Variants in FUT6 observed in about 807,000 individuals in gnomAD.
The protein encoded by FUT6 is fucosyltransferase 6, also known as 4-galactosyl-N-acetylglucosaminide 3-alpha-L-fucosyltransferase FUT6.
For missense variants in FUT6, 454 were observed against 494.6 expected (o/e 0.92, Z 0.78); for synonymous variants, 187 against 209.9 (o/e 0.89, Z 0.94).
In FUT6 at chr19:5,830,559, G is replaced by T. The variant is rs2057074642; in HGVS notation, c.*929C>A. On this transcript the variant is annotated 3_prime_UTR_variant, in exon 3 of 3. Transcript: ENST00000318336. ...GCGATTCTTGTGTCTCAGCCACCTG[G>T]GTAGCTGGGATTACAGGCACCGGCC... 1 of 150,178 alleles carries T rather than the reference G, an allele frequency of 6.7e-6. No homozygotes were observed. Among genetic ancestry groups the T allele is most frequent in the South Asian group, 2.1e-4 (1 of 4,768 alleles). 9.3% of individuals were successfully genotyped at this position (150,178 alleles called of 1,614,324 possible). A position where few individuals can be genotyped will look rare whatever the true frequency, so the allele number is the denominator to read the frequency against.
intron 1 of FUT6, chr19:5,838,000 T>G (rs538611794): frequency 1.3e-5 from 2 of 152,178 alleles, no homozygotes; most frequent in East Asian, 3.9e-4. Context: ...GTCGGGCTCT[T>G]GGGCTGCCAG....
chr19:5,837,103 T>A (rs1209391617), intron 1 of FUT6, among the ~76,000 whole-genome samples: 1 of 152,054 alleles, frequency 6.6e-6, no homozygotes, highest in Non-Finnish European at 1.5e-5. Flanking sequence ...AGTGGCGTGA[T>A]CTTGGCTCAC....
chr19:5,835,833 T>C (rs975198272), intron 1 of FUT6, among the ~76,000 whole-genome samples: 16 of 152,158 alleles, frequency 1.1e-4, no homozygotes, highest in African/African-American at 3.6e-4. Flanking sequence ...AGCATCAAAA[T>C]TGGTGGCCAA....
At position 5,832,766 on chromosome 19, in the gene FUT6, C is replaced by T; in HGVS notation, c.-12-187G>A. The T allele has an allele frequency of 1.6e-6, 1 of 606,590 alleles. No homozygotes were observed. The highest frequency in any genetic ancestry group is 2.9e-5 in the Admixed American group (1 of 34,552). 37.6% of individuals were successfully genotyped at this position (606,590 alleles called of 1,614,324 possible). On this transcript the variant is annotated intron_variant, in intron 2 of 2. Transcript: ENST00000318336. This position sits in a 1 kb window ranked among gnomAD's most constrained non-coding sequence, Gnocchi z 4.3. Reference sequence around the variant, plus strand: ...GAACAAAGGGAGCTTGGCCCAGAGTCCACTTCCTCCCACCCATTAGACAAC... The same window carrying T: ...GAACAAAGGGAGCTTGGCCCAGAGTTCACTTCCTCCCACCCATTAGACAAC...
Position 5,832,607 on chromosome 19 carries a change from G to T in FUT6, c.-12-28C>A. 6.6e-7 allele frequency: 1 copy of T among 1,515,254 alleles called. No homozygotes were observed. Among genetic ancestry groups the T allele is most frequent in the South Asian group, 1.1e-5 (1 of 89,138 alleles). 93.9% of individuals were successfully genotyped at this position (1,515,254 alleles called of 1,614,324 possible). On this transcript the variant is annotated intron_variant, in intron 2 of 2. Coordinates refer to ENST00000318336, the MANE Select transcript of FUT6 (RefSeq NM_000150.4). The surrounding 1 kb of genome is among the most constrained non-coding windows in gnomAD (Gnocchi z 4.3). ...GGGAAGTGGGGAGAGAGGAGTGAGGGTCATTGATGACAATCTCCTGCTTAC... is the reference window on the plus strand; with the variant it reads ...GGGAAGTGGGGAGAGAGGAGTGAGGTTCATTGATGACAATCTCCTGCTTAC...
At chr19:5,837,585 T>C (rs1055018275) in intron 1 of FUT6, among the ~76,000 whole-genome samples, 2 of 151,462 alleles carry the variant, frequency 1.3e-5, no homozygotes, top group East Asian at 3.9e-4. Flanking sequence ...ACCAACATGG[T>C]GAAACCCCGT....
intron 1 of FUT6, among the ~76,000 whole-genome samples, chr19:5,836,216 C>CTTTTCTTTTGTTTTG (rs1555738049): frequency 6.6e-6 from 1 of 150,624 alleles, no homozygotes; most frequent in Non-Finnish European, 1.5e-5. Context: ...ATTTTCTTTT[C>CTTTTCTTTTGTTTTG]TTTTCTTTTC....
In FUT6 at chr19:5,832,381, G is replaced by A. The variant is rs1264274146; in HGVS notation, c.187C>T (p.Leu63=). The A allele has an allele frequency of 1.2e-6, 2 of 1,614,150 alleles. No individual in the cohort carries two copies. Among genetic ancestry groups the A allele is most frequent in the South Asian group, 2.2e-5 (2 of 91,090 alleles). ...STGTPAHSIP[L]ILLWTWPFNK... is the part of the protein sequence containing the mutation. The stretch of plus-strand genomic sequence containing the variant: ...AAAGGCCACGTCCACAGCAGGATCA[G>A]GGGGATGGAGTGGGCGGGGGTCCCT... Residue 63 remains leucine (L), a synonymous_variant, in exon 3 of 3, where the codon CTG becomes TTG. Transcript: ENST00000318336. This position sits in a 1 kb window ranked among gnomAD's most constrained non-coding sequence, Gnocchi z 4.3.
At chr19:5,835,594 G>A (rs781708275) in intron 1 of FUT6, among the ~76,000 whole-genome samples, 20 of 152,098 alleles carry the variant, frequency 1.3e-4, no homozygotes, top group Admixed American at 2.6e-4. Flanking sequence ...GACCAGCCTG[G>A]CCAACATGTC....
At position 5,839,517 on chromosome 19, in the gene FUT6, G is replaced by A. The variant is rs1034143619; in HGVS notation, c.-981C>T. Reference sequence around the variant, plus strand: ...AGGCTTCAAGCAGAGGGGTTACCATGTCGATACATGTTTTCAGATGCTCTC... The same window carrying A: ...AGGCTTCAAGCAGAGGGGTTACCATATCGATACATGTTTTCAGATGCTCTC... On this transcript the variant is annotated 5_prime_UTR_variant, in exon 1 of 3. Coordinates refer to ENST00000318336, the MANE Select transcript of FUT6 (RefSeq NM_000150.4). The A allele has an allele frequency of 1.3e-5, 2 of 152,198 alleles. No homozygotes were observed. The highest frequency in any genetic ancestry group is 2.9e-5 in the Non-Finnish European group (2 of 68,068). The allele number at this position is 152,198 out of a possible 1,614,324, so 9.4% of individuals were successfully genotyped here.
intron 2 of FUT6, among the ~76,000 whole-genome samples, chr19:5,833,357 C>T (rs376289834): frequency 4.0e-5 from 6 of 150,952 alleles, no homozygotes; most frequent in African/African-American, 1.5e-4. Context: ...GGCGTGGTGG[C>T]GTGTGCCTGT....
chr19:5,838,199 T>C (rs1370952940), intron 1 of FUT6: 1 of 151,910 alleles, frequency 6.6e-6, no homozygotes, highest in African/African-American at 2.4e-5. Flanking sequence ...TGGAAAATGA[T>C]CGATCCACGC....
In FUT6 at chr19:5,831,454, A is replaced by T. The variant is rs1432789346; in HGVS notation, c.*34T>A. The T allele has an allele frequency of 2.5e-6, 4 of 1,613,604 alleles. No homozygotes were observed. Among genetic ancestry groups the T allele is most frequent in the Non-Finnish European group, 3.4e-6 (4 of 1,180,046 alleles). On this transcript the variant is annotated 3_prime_UTR_variant, in exon 3 of 3. Coordinates refer to ENST00000318336, the MANE Select transcript of FUT6 (RefSeq NM_000150.4). The surrounding 1 kb of genome is among the most constrained non-coding windows in gnomAD (Gnocchi z 7.0). ...ACTCAGGTGAGGCCCCAGGAAAATGAGGTTCCTGGCAGCCCAGGCCCCACA... is the reference window on the plus strand; with the variant it reads ...ACTCAGGTGAGGCCCCAGGAAAATGTGGTTCCTGGCAGCCCAGGCCCCACA...
At chr19:5,837,702 C>G (rs933138248) in intron 1 of FUT6, among the ~76,000 whole-genome samples, 2 of 152,034 alleles carry the variant, frequency 1.3e-5, no homozygotes, top group African/African-American at 4.8e-5. Context: ...GGAGGCGGAG[C>G]TTGCAGTGAG....
rs1387752488 is a variant in FUT6, at chr19:5,839,219, G to A, written c.-683C>T. The stretch of plus-strand genomic sequence containing the variant: ...CAAGGGATCTTGCAGGAAACCGGTG[G>A]GCAAGTCAGGCAACTCATGAACCTT... On this transcript the variant is annotated 5_prime_UTR_variant, in exon 1 of 3. Transcript: ENST00000318336. 1 of 152,148 alleles carries A rather than the reference G, an allele frequency of 6.6e-6. No homozygotes were observed. Among genetic ancestry groups the A allele is most frequent in the Non-Finnish European group, 1.5e-5 (1 of 68,024 alleles). The allele number at this position is 152,148 out of a possible 1,614,324, so 9.4% of individuals were successfully genotyped here. A position where few individuals can be genotyped will look rare whatever the true frequency, so the allele number is the denominator to read the frequency against.
At chr19:5,836,615 T>C (rs2057184222) in intron 1 of FUT6, among the ~76,000 whole-genome samples, 1 of 152,164 alleles carries the variant, frequency 6.6e-6, no homozygotes. Context: ...GATCGCTTGA[T>C]TCCAAGAGTT....
In FUT6 at chr19:5,831,455, G is replaced by A; in HGVS notation, c.*33C>T. The A allele has an allele frequency of 6.2e-7, 1 of 1,613,722 alleles. No individual in the cohort carries two copies. Among genetic ancestry groups the A allele is most frequent in the Middle Eastern group, 1.7e-4 (1 of 6,060 alleles). ...CTCAGGTGAGGCCCCAGGAAAATGAGGTTCCTGGCAGCCCAGGCCCCACAC... is the reference window on the plus strand; with the variant it reads ...CTCAGGTGAGGCCCCAGGAAAATGAAGTTCCTGGCAGCCCAGGCCCCACAC... On this transcript the variant is annotated 3_prime_UTR_variant, in exon 3 of 3. Transcript: ENST00000318336. This position sits in a 1 kb window ranked among gnomAD's most constrained non-coding sequence, Gnocchi z 7.0.
rs1343752073 is a variant in FUT6 at position 5,839,339 on chromosome 19, C to T, written c.-803G>A. The T allele has an allele frequency of 6.6e-6, 1 of 152,226 alleles. No individual in the cohort carries two copies. Among genetic ancestry groups the T allele is most frequent in the Non-Finnish European group, 1.5e-5 (1 of 68,040 alleles). 9.4% of individuals were successfully genotyped at this position (152,226 alleles called of 1,614,324 possible). A position where few individuals can be genotyped will look rare whatever the true frequency, so the allele number is the denominator to read the frequency against. On this transcript the variant is annotated 5_prime_UTR_variant, in exon 1 of 3. Coordinates refer to ENST00000318336, the MANE Select transcript of FUT6 (RefSeq NM_000150.4). The stretch of plus-strand genomic sequence containing the variant: ...ACAAGGAACAACCTTCGCAAAGGCC[C>T]TGAGGCAGCAGAAATGCAGGCATGT...
intron 1 of FUT6, among the ~76,000 whole-genome samples, chr19:5,837,545 A>C (rs1430815029): frequency 6.6e-6 from 1 of 151,606 alleles, no homozygotes; most frequent in East Asian, 1.9e-4. Context: ...CGGGCGAATC[A>C]CCTGAGGTCA....
Sources: gnomAD v4.1 joint callset for allele counts (sites outside exome capture counted in the v4.1 genomes callset) on GRCh38, gnomAD v4.1.1 for gene constraint, Gnocchi (gnomAD v3.1) non-coding constraint, MANE v1.5 for transcripts, NCBI Gene and HGNC (gene_info 2026-07-23, HGNC 2026-07-21) for gene names.